The following ST18 variants were observed in gnomAD, a reference collection of about 807,000 sequenced individuals.
ST18 encodes suppression of tumorigenicity 18 protein.
In ST18, 50 loss-of-function variants were observed where a neutral mutation model predicts 110.0. The observed-to-expected ratio is 0.45, with a 90% confidence interval of 0.36 to 0.58. The LOEUF is 0.58. Ranked by LOEUF, ST18 falls within the 20% of genes least tolerant of loss-of-function variation. The pLI, the probability that ST18 is intolerant of heterozygous loss-of-function variation, is 0.00. For synonymous variants in ST18, 461 were observed against 452.4 expected, an observed-to-expected ratio of 1.02 and a Z score of -0.24; for missense variants, 1,306 against 1,280.1, an observed-to-expected ratio of 1.02 and a Z score of -0.31.
Position 52,396,783 on chromosome 8 carries a change from C to T in ST18, c.-465+12545G>A, listed in dbSNP as rs1163941031. ...TTCCAACAAGGTCCCTCCCCCATCA[C>T]GTGGAGATTACAATTCAAGATGAGA... On this transcript the variant is annotated intron_variant, in intron 2 of 25. Transcript: ENST00000689386. Among the ~76,000 whole-genome samples, 4 of 152,160 alleles carry T rather than the reference C, an allele frequency of 2.6e-5. No homozygotes were observed. In the East Asian group the frequency reaches 5.8e-4, roughly 22 times the overall value.
At chr8:52,152,798 A>G (rs543747946) in intron 15 of ST18, among the ~76,000 whole-genome samples, 2 of 152,220 alleles carry the variant, frequency 1.3e-5, no homozygotes, top group Admixed American at 6.5e-5. Context: ...TTACTATAAA[A>G]TAAGAAGTGA....
intron 25 of ST18, among the ~76,000 whole-genome samples, chr8:52,115,881 A>ATT (rs1452927978): frequency 6.6e-6 from 1 of 152,074 alleles, no homozygotes; most frequent in African/African-American, 2.4e-5. Context: ...GGAATTGAAC[A>ATT]TTTTTGGTTA....
At chr8:52,403,015 C>G (rs1035518780) in intron 2 of ST18, among the ~76,000 whole-genome samples, 1 of 152,156 alleles carries the variant, frequency 6.6e-6, no homozygotes. Context: ...GTTCCAACTT[C>G]CTGGGGGTGG....
At chr8:52,353,775 A>G (rs1431327872) in intron 2 of ST18, among the ~76,000 whole-genome samples, 1 of 152,226 alleles carries the variant, frequency 6.6e-6, no homozygotes, top group Non-Finnish European at 1.5e-5. Flanking sequence ...ATGGTGCCCG[A>G]CCAAAAGGAA....
chr8:52,191,599 G>T (rs1332698549), intron 8 of ST18, among the ~76,000 whole-genome samples: 3 of 152,156 alleles, frequency 2.0e-5, no homozygotes, highest in Non-Finnish European at 2.9e-5. Flanking sequence ...GAAAAGAAAA[G>T]GAAGAGTTAG....
intron 2 of ST18, among the ~76,000 whole-genome samples, chr8:52,277,868 A>C (rs1458149858): frequency 6.6e-6 from 1 of 152,136 alleles, no homozygotes; most frequent in East Asian, 1.9e-4. Context: ...ATAATCTTTT[A>C]TTTTCTGTGT....
At chr8:52,182,579 A>G (rs1010647227) in intron 8 of ST18, among the ~76,000 whole-genome samples, 5 of 152,240 alleles carry the variant, frequency 3.3e-5, no homozygotes, top group South Asian at 2.1e-4. Flanking sequence ...CACTATAAGT[A>G]TCTACAATAG....
intron 2 of ST18, among the ~76,000 whole-genome samples, chr8:52,325,646 T>C (rs973041273): frequency 2.6e-5 from 4 of 152,240 alleles, no homozygotes; most frequent in Admixed American, 2.6e-4. Context: ...CTATGTTTTA[T>C]ACTTAGAGTG....
At chr8:52,304,134 G>T (rs1367236085) in intron 2 of ST18, among the ~76,000 whole-genome samples, 1 of 152,052 alleles carries the variant, frequency 6.6e-6, no homozygotes, top group Non-Finnish European at 1.5e-5. Flanking sequence ...AAGAAATGAA[G>T]ATTAAAATAA....
chr8:52,342,839 C>T (rs1453556045), intron 2 of ST18, among the ~76,000 whole-genome samples: 1 of 152,132 alleles, frequency 6.6e-6, no homozygotes, highest in Non-Finnish European at 1.5e-5. Flanking sequence ...GATATGTTTC[C>T]CCATCACCAC....
chr8:52,323,342 C>A (rs1322709105), intron 2 of ST18, among the ~76,000 whole-genome samples: 3 of 152,176 alleles, frequency 2.0e-5, no homozygotes, highest in Non-Finnish European at 2.9e-5. Flanking sequence ...TGTTTAACAG[C>A]CACCATATAG....
chr8:52,389,803 G>A (rs1200910480), intron 2 of ST18, among the ~76,000 whole-genome samples: 4 of 152,194 alleles, frequency 2.6e-5, no homozygotes, highest in African/African-American at 7.2e-5. Flanking sequence ...CCGGAGCCGA[G>A]GGGCAGTAGA....
chr8:52,218,049 C>A (rs898303946), intron 5 of ST18, 148 bp from the exon 6 acceptor site: 1 of 152,000 alleles, frequency 6.6e-6, no homozygotes, highest in Non-Finnish European at 1.5e-5. Context: ...CTATTTTAAC[C>A]TAATGGCAAA....
At chr8:52,255,431 A>C (rs2094496029) in intron 2 of ST18, among the ~76,000 whole-genome samples, 1 of 152,206 alleles carries the variant, frequency 6.6e-6, no homozygotes. Flanking sequence ...ATGACTGTCA[A>C]ACGGCCCAAA....
intron 2 of ST18, among the ~76,000 whole-genome samples, chr8:52,366,940 T>G (rs184757620): frequency 6.6e-6 from 1 of 152,236 alleles, no homozygotes; most frequent in African/African-American, 2.4e-5. Flanking sequence ...AGTTAAAATA[T>G]CCTTAGGATA....
At chr8:52,211,546 A>G (rs1282715518) in intron 8 of ST18, among the ~76,000 whole-genome samples, 1 of 152,022 alleles carries the variant, frequency 6.6e-6, no homozygotes, top group Non-Finnish European at 1.5e-5. Flanking sequence ...AGCTGAAACT[A>G]TAGGCACACG....
At chr8:52,223,234 AT>A (rs1214927732) in intron 3 of ST18, among the ~76,000 whole-genome samples, 1 of 152,172 alleles carries the variant, frequency 6.6e-6, no homozygotes, top group African/African-American at 2.4e-5. Context: ...CTGGTATGTT[AT>A]TTTTTTCAAA....
At chr8:52,361,754 T>C (rs1825838640) in intron 2 of ST18, among the ~76,000 whole-genome samples, 1 of 152,184 alleles carries the variant, frequency 6.6e-6, no homozygotes, top group South Asian at 2.1e-4. Context: ...AGAACAAATG[T>C]TTTAATTATT....
At chr8:52,346,301 A>G (rs2140265675) in intron 2 of ST18, among the ~76,000 whole-genome samples, 1 of 151,614 alleles carries the variant, frequency 6.6e-6, no homozygotes, top group Non-Finnish European at 1.5e-5. Context: ...AAAGTCAAGA[A>G]AAAAGAAAAT....
Sources: gnomAD v4.1 joint callset for allele counts (sites outside exome capture counted in the v4.1 genomes callset) on GRCh38, gnomAD v4.1.1 for gene constraint, MANE v1.5 for transcripts, NCBI Gene and HGNC (gene_info 2026-07-23, HGNC 2026-07-21) for gene names.